VRK2: variants seen among roughly 807,000 people sequenced by gnomAD.
VRK2 encodes the protein serine/threonine-protein kinase VRK2.
VRK2 carries 60 observed loss-of-function variants against 57.6 expected under a neutral mutation model. That is an observed-to-expected ratio of 1.04 (90% confidence interval 0.85 to 1.29). The LOEUF is 1.29. Among genes scored for constraint, VRK2 ranks in the 50% most tolerant of loss-of-function variants. The pLI is 0.00. For missense variants in VRK2, 705 were observed against 588.1 expected, an observed-to-expected ratio of 1.20 and a Z score of -2.06; for synonymous variants, 231 against 199.2, an observed-to-expected ratio of 1.16 and a Z score of -1.35.
rs961354189 is a variant in VRK2 at position 57,992,606 on chromosome 2, A to G, written c.-438-33059A>G. On this transcript the variant is annotated intron_variant, in intron 1 of 15. Transcript: ENST00000417641. ...CTGCGGACTGCAGTGGCGCAATCTCAGCTCACTGCAAGCTCCGCTTCCCGG... is the reference window on the plus strand; with the variant it reads ...CTGCGGACTGCAGTGGCGCAATCTCGGCTCACTGCAAGCTCCGCTTCCCGG... Among the ~76,000 whole-genome samples, 214 of 151,752 alleles carry G rather than the reference A, an allele frequency of 1.4e-3. 2 individuals are homozygous for G. The highest frequency in any genetic ancestry group is 4.8e-3 in the African/African-American group (200 of 41,332).
At chr2:58,095,144 A>G (rs530411033) in intron 7 of VRK2, among the ~76,000 whole-genome samples, 1 of 152,014 alleles carries the variant, frequency 6.6e-6, no homozygotes, top group Non-Finnish European at 1.5e-5. Flanking sequence ...AAATACAAAA[A>G]TTATCCGGGC....
At chr2:58,001,247 T>C (rs903860215) in intron 1 of VRK2, among the ~76,000 whole-genome samples, 4 of 152,236 alleles carry the variant, frequency 2.6e-5, no homozygotes, top group African/African-American at 9.6e-5. Context: ...AAAGTGTACC[T>C]AATCATTCCT....
intron 2 of VRK2, among the ~76,000 whole-genome samples, chr2:58,059,272 A>G (rs549695690): frequency 6.6e-6 from 1 of 151,990 alleles, no homozygotes; most frequent in Non-Finnish European, 1.5e-5. Flanking sequence ...GATGAGAAAG[A>G]TTTGTTGGAT....
intron 1 of VRK2, among the ~76,000 whole-genome samples, chr2:57,983,836 G>T (rs1275566751): frequency 6.6e-6 from 1 of 152,180 alleles, no homozygotes; most frequent in Non-Finnish European, 1.5e-5. Flanking sequence ...TTAGAAAATA[G>T]TTGATGAAAT....
intron 1 of VRK2, among the ~76,000 whole-genome samples, chr2:58,001,698 T>C (rs2103624796): frequency 6.6e-6 from 1 of 152,180 alleles, no homozygotes; most frequent in South Asian, 2.1e-4. Context: ...GTCGCGCACC[T>C]ATAAGCCCAG....
chr2:57,970,360 G>A (rs1233802696), intron 1 of VRK2, among the ~76,000 whole-genome samples: 1 of 151,104 alleles, frequency 6.6e-6, no homozygotes, highest in Admixed American at 6.6e-5. Flanking sequence ...AAGTAACAAG[G>A]TAAATCAGAA....
chr2:57,996,414 G>A (rs1672924576), intron 1 of VRK2, among the ~76,000 whole-genome samples: 1 of 152,236 alleles, frequency 6.6e-6, no homozygotes, highest in East Asian at 1.9e-4. Flanking sequence ...TGAGTAAGAA[G>A]CAGGGCCAAT....
intron 12 of VRK2, among the ~76,000 whole-genome samples, chr2:58,156,759 A>T (rs1341617333): frequency 6.6e-6 from 1 of 152,074 alleles, no homozygotes; most frequent in Non-Finnish European, 1.5e-5. Context: ...TTCATTAATT[A>T]TGTTCAACTT....
At chr2:58,105,586 A>C (rs1674623234) in intron 7 of VRK2, among the ~76,000 whole-genome samples, 1 of 151,858 alleles carries the variant, frequency 6.6e-6, no homozygotes, top group Non-Finnish European at 1.5e-5. Context: ...ACCAAAGAGC[A>C]ATTTATGACC....
In VRK2 at chr2:58,135,200, G is replaced by GTC. The variant is rs1679840023; in HGVS notation, c.856+2_856+3insCT. On this transcript the variant is annotated splice_donor_variant, in intron 10 of 12. Transcript: ENST00000340157. LOFTEE classifies it high-confidence loss of function. ...TGGGCTCCTTCTGGAAGCAGTTGCT[G>GTC]TAAGTCAAATAATAACTTCAACCTT... 1 of 1,614,004 alleles carries GTC rather than the reference G, an allele frequency of 6.2e-7. No homozygotes were observed. The highest frequency in any genetic ancestry group is 1.7e-5 in the Admixed American group (1 of 59,998).
At chr2:58,061,084 A>G (rs1300405072) in intron 2 of VRK2, among the ~76,000 whole-genome samples, 4 of 151,656 alleles carry the variant, frequency 2.6e-5, no homozygotes, top group African/African-American at 9.7e-5. Context: ...CAGTTTAGTA[A>G]AACTTGGGGG....
chr2:58,104,767 A>G lies in VRK2; in HGVS notation c.543+15044A>G, dbSNP rs146826584. ...GAATAGCCAAAGCAACCCTAAGCCC[A>G]AAGAACAAAGCTGGAGGCATCACAT... On this transcript the variant is annotated intron_variant, in intron 7 of 12. Coordinates refer to ENST00000340157, the MANE Select transcript of VRK2 (RefSeq NM_006296.7). Among the ~76,000 whole-genome samples the G allele has an allele frequency of 1.7e-3, 265 of 152,158 alleles. 7 individuals are homozygous for G. In the East Asian group the frequency reaches 0.04, roughly 23 times the overall value.
intron 1 of VRK2, among the ~76,000 whole-genome samples, chr2:57,957,381 G>C (rs1001217082): frequency 3.9e-5 from 6 of 151,904 alleles, no homozygotes; most frequent in African/African-American, 1.4e-4. Flanking sequence ...TGATAGTGAA[G>C]GATTTGCATT....
intron 2 of VRK2, among the ~76,000 whole-genome samples, chr2:58,083,075 ATC>A (rs370348009): frequency 1.6e-4 from 24 of 151,896 alleles, no homozygotes; most frequent in Non-Finnish European, 3.0e-4. Flanking sequence ...AATATATTGT[ATC>A]TCAAGAATTT....
At chr2:58,048,751 T>C (rs1386370210) in intron 1 of VRK2, 76 bp from the exon 2 acceptor site, 14 of 1,552,898 alleles carry the variant, frequency 9.0e-6, no homozygotes, top group Non-Finnish European at 1.1e-5. Context: ...TTGAAGACAT[T>C]TTGGGAAGTG....
chr2:57,928,598 A>G (rs1670618871), intron 1 of VRK2, among the ~76,000 whole-genome samples: 1 of 152,006 alleles, frequency 6.6e-6, no homozygotes, highest in Non-Finnish European at 1.5e-5. Flanking sequence ...GCTTGTGGAT[A>G]TTTGTCAGTT....
chr2:58,047,391 A>G, intron 1 of VRK2: 1 of 984,922 alleles, frequency 1.0e-6, no homozygotes, highest in Non-Finnish European at 1.2e-6. Flanking sequence ...CCAGAAGCCG[A>G]AGGGACACCC....
rs1466775407 is a variant in VRK2, at chr2:58,159,400, G to T, written c.1234G>T (p.Glu412Ter). The change falls in exon 13 of 13, where the codon GAA (glutamate) becomes TAA (stop). Residue 412 changes from glutamate (E) to a stop codon, truncating the protein, a stop_gained. Transcript: ENST00000340157. LOFTEE classifies it low-confidence loss of function (END_TRUNC). ...TCAAGAGTCTCAAGAACCTTTGAAT[G>T]AAGTAAACAGTTTCCCACAAAAAAT... ...KYQESQEPLNEVNSFPQKISY... is the reference protein window; with the variant it reads ...KYQESQEPLN The T allele has an allele frequency of 2.5e-6, 4 of 1,613,218 alleles. No homozygotes were observed. Among genetic ancestry groups the T allele is most frequent in the Middle Eastern group, 1.6e-4 (1 of 6,080 alleles).
Position 58,139,693 on chromosome 2 carries a change from C to G in VRK2, c.884C>G (p.Ala295Gly), listed in dbSNP as rs1681040373. 1.2e-6 allele frequency: 2 copies of G among 1,612,428 alleles called. No individual in the cohort carries two copies. The highest frequency in any genetic ancestry group is 2.7e-5 in the African/African-American group (2 of 74,806). Residue 295 changes from alanine to glycine, a missense_variant, in exon 11 of 13, where the codon GCT becomes GGT. Transcript: ENST00000340157. ...CCEIAQFLVC[A>G]HSLAYDEKPN... Reference sequence around the variant, plus strand: ...GAAATAGCCCAATTTTTGGTATGTGCTCATAGTTTAGCATATGATGAAAAG... The same window carrying G: ...GAAATAGCCCAATTTTTGGTATGTGGTCATAGTTTAGCATATGATGAAAAG...
Sources: allele counts gnomAD v4.1 joint callset (sites outside exome capture counted in the v4.1 genomes callset), GRCh38; gene constraint gnomAD v4.1.1; transcripts MANE v1.5; gene names NCBI Gene and HGNC (gene_info 2026-07-23, HGNC 2026-07-21).